SRGAP1: variants seen among roughly 807,000 people sequenced by gnomAD.
SRGAP1 encodes the protein SLIT-ROBO Rho GTPase activating protein 1, also known as SLIT-ROBO Rho GTPase-activating protein 1.
Under a neutral mutation model 121.9 loss-of-function variants are expected in SRGAP1, and 43 were observed. The ratio of observed to expected loss-of-function variants is 0.35; its 90% CI spans 0.28 to 0.46. The LOEUF (loss-of-function observed/expected upper bound fraction) is 0.46, where lower values mean the gene tolerates loss of function less well. Ranked by LOEUF, SRGAP1 falls within the 20% of genes least tolerant of loss-of-function variation. The pLI is 1.00. For synonymous variants in SRGAP1, 447 were observed against 485.4 expected (o/e 0.92, Z 1.04); for missense variants, 1,102 against 1,350.9 (o/e 0.82, Z 2.89).
intron 3 of SRGAP1, among the ~76,000 whole-genome samples, chr12:64,012,465 T>C (rs1428242757): frequency 6.6e-6 from 1 of 151,778 alleles, no homozygotes; most frequent in African/African-American, 2.4e-5. Context: ...CTTTTCTTAA[T>C]ACTTATATTA....
chr12:64,088,304 G>C (rs2035984286), intron 11 of SRGAP1, among the ~76,000 whole-genome samples: 1 of 152,162 alleles, frequency 6.6e-6, no homozygotes, highest in South Asian at 2.1e-4. Flanking sequence ...GCAGCTTATA[G>C]AGATGTTTTT....
chr12:63,906,588 C>A (rs913150004), intron 1 of SRGAP1, among the ~76,000 whole-genome samples: 7 of 152,228 alleles, frequency 4.6e-5, no homozygotes, highest in African/African-American at 1.7e-4. Flanking sequence ...GCTGGGATTA[C>A]AGGTGTGAGC....
At position 63,855,473 on chromosome 12, in the gene SRGAP1, G is replaced by GTTTTTTTT. The variant is rs781701925; in HGVS notation, c.67+10615_67+10622dup. Among the ~76,000 whole-genome samples, 57 of 52,940 alleles carry GTTTTTTTT rather than the reference G, an allele frequency of 1.1e-3. 4 individuals are homozygous for GTTTTTTTT. The highest frequency in any genetic ancestry group is 3.2e-3 in the African/African-American group (45 of 14,028). 34.7% of individuals were successfully genotyped at this position (52,940 alleles called of 152,430 possible). ...AGCAGCAGTCAACATGAAAAATGGTGTTTTTTTTTTTTTTTTTTTTTTTTT... is the reference window on the plus strand; with the variant it reads ...AGCAGCAGTCAACATGAAAAATGGTGTTTTTTTTTTTTTTTTTTTTTTTTTTTTTTTTT... On this transcript the variant is annotated intron_variant, in intron 1 of 21. Transcript: ENST00000355086.
intron 1 of SRGAP1, among the ~76,000 whole-genome samples, chr12:63,930,692 G>A (rs76183315): frequency 0.033 from 4,999 of 152,020 alleles, 274 homozygotes; most frequent in African/African-American, 0.11. Context: ...TTTTTGGGGA[G>A]CGAGTGAGTG....
At chr12:64,125,062 T>C (rs1372221492) in intron 18 of SRGAP1, among the ~76,000 whole-genome samples, 1 of 152,162 alleles carries the variant, frequency 6.6e-6, no homozygotes, top group African/African-American at 2.4e-5. Flanking sequence ...TAACAAACAG[T>C]TCCATTACAA....
intron 18 of SRGAP1, among the ~76,000 whole-genome samples, chr12:64,125,008 T>C (rs1444137055): frequency 6.6e-6 from 1 of 152,190 alleles, no homozygotes; most frequent in African/African-American, 2.4e-5. Context: ...CTGTACAGTT[T>C]TATCACATGT....
intron 1 of SRGAP1, among the ~76,000 whole-genome samples, chr12:63,930,210 G>C (rs2031420283): frequency 6.6e-6 from 1 of 151,858 alleles, no homozygotes; most frequent in Non-Finnish European, 1.5e-5. Context: ...AGCTCCCATG[G>C]CTGGGCATGG....
At chr12:63,873,602 C>T (rs539101521) in intron 1 of SRGAP1, among the ~76,000 whole-genome samples, 3 of 150,650 alleles carry the variant, frequency 2.0e-5, no homozygotes, top group African/African-American at 7.3e-5. Context: ...GATGACATAA[C>T]TAGTGAAATG....
chr12:64,078,581 A>T (rs904761385), intron 8 of SRGAP1, among the ~76,000 whole-genome samples: 1 of 152,230 alleles, frequency 6.6e-6, no homozygotes, highest in Non-Finnish European at 1.5e-5. Flanking sequence ...GTGATAATTC[A>T]TCATCAAGCT....
chr12:63,973,526 T>G (rs970053432), intron 1 of SRGAP1, among the ~76,000 whole-genome samples: 3 of 152,200 alleles, frequency 2.0e-5, no homozygotes, highest in Admixed American at 1.3e-4. Context: ...TGAGATAAAC[T>G]GTATCAAGTA....
intron 8 of SRGAP1, among the ~76,000 whole-genome samples, chr12:64,070,583 G>A (rs1176362487): frequency 6.6e-6 from 1 of 152,172 alleles, no homozygotes; most frequent in Non-Finnish European, 1.5e-5. Context: ...ATCAATTTGC[G>A]ACAGTGTTGA....
At chr12:63,981,876 G>C (rs757949979) in intron 1 of SRGAP1, among the ~76,000 whole-genome samples, 8 of 152,122 alleles carry the variant, frequency 5.3e-5, no homozygotes, top group Non-Finnish European at 1.2e-4. Flanking sequence ...ATGCAAGCCT[G>C]GCACAGTATA....
At chr12:64,080,692 A>AC (rs947909756) in intron 10 of SRGAP1, 1 of 389,022 alleles carries the variant, frequency 2.6e-6, no homozygotes, top group South Asian at 2.4e-5. Context: ...CTACCTGCTG[A>AC]CCCCCCAGTC....
chr12:64,116,258 A>G (rs1261730938), intron 18 of SRGAP1, among the ~76,000 whole-genome samples: 3 of 133,140 alleles, frequency 2.3e-5, no homozygotes, highest in Non-Finnish European at 4.6e-5. Flanking sequence ...CTCATCTCAA[A>G]AAAAAAAAAA....
Position 64,126,002 on chromosome 12 carries a change from C to T in SRGAP1, c.2250C>T (p.Ala750=), listed in dbSNP as rs1161774296. Residue 750 remains alanine (A), a synonymous_variant, in exon 19 of 22, where the codon GCC becomes GCT. Coordinates refer to ENST00000355086, the MANE Select transcript of SRGAP1 (RefSeq NM_020762.4). ...AATGTGAGCCAATAGAAGCAATAGC[C>T]AAGTTTGACTATGTTGGGCGGTCTG... The part of the protein sequence containing the change: ...EDECEPIEAI[A]KFDYVGRSAR... The T allele has an allele frequency of 6.3e-5, 101 of 1,613,894 alleles. No homozygotes were observed. Among genetic ancestry groups the T allele is most frequent in the Non-Finnish European group, 8.3e-5 (98 of 1,179,948 alleles).
At chr12:64,112,788 C>T (rs1032854087) in intron 17 of SRGAP1, among the ~76,000 whole-genome samples, 11 of 151,840 alleles carry the variant, frequency 7.2e-5, no homozygotes, top group African/African-American at 1.9e-4. Flanking sequence ...ATAAGCCAGG[C>T]GGGAAAGACA....
rs112551636 is a variant in SRGAP1 at position 64,029,427 on chromosome 12, C to T, written c.489+12415C>T. Among the ~76,000 whole-genome samples, 1,144 of 152,276 alleles carry T rather than the reference C, an allele frequency of 7.5e-3. 5 individuals are homozygous for T. Among genetic ancestry groups the T allele is most frequent in the Non-Finnish European group, 0.013 (875 of 68,030 alleles). Reference sequence around the variant, plus strand: ...GAGCATGGCCGAGTAACACACAGCCCTGTGATCAGGGAGCTAGACTGGTGA... The same window carrying T: ...GAGCATGGCCGAGTAACACACAGCCTTGTGATCAGGGAGCTAGACTGGTGA... On this transcript the variant is annotated intron_variant, in intron 4 of 21. Transcript: ENST00000355086.
intron 1 of SRGAP1, among the ~76,000 whole-genome samples, chr12:63,846,358 C>T (rs1372913300): frequency 2.0e-5 from 3 of 152,188 alleles, no homozygotes; most frequent in Non-Finnish European, 4.4e-5. Flanking sequence ...TTGTTCACAA[C>T]CACCATTTCT....
At chr12:63,908,736 T>C (rs1392440423) in intron 1 of SRGAP1, among the ~76,000 whole-genome samples, 2 of 152,176 alleles carry the variant, frequency 1.3e-5, no homozygotes, top group Non-Finnish European at 2.9e-5. Context: ...TCGTTCTTTT[T>C]GCTGCATAAT....
Sources: allele counts gnomAD v4.1 joint callset (sites outside exome capture counted in the v4.1 genomes callset), GRCh38; gene constraint gnomAD v4.1.1; transcripts MANE v1.5; gene names NCBI Gene and HGNC (gene_info 2026-07-23, HGNC 2026-07-21).